The following NRG1 variants were observed in gnomAD, a reference collection of about 807,000 sequenced individuals.
NRG1 encodes the protein neuregulin 1.
NRG1 carries 18 observed loss-of-function variants against 63.8 expected under a neutral mutation model. The observed-to-expected ratio is 0.28, with a 90% CI of 0.19 to 0.42. The LOEUF is 0.42. Ranked by LOEUF, NRG1 falls within the 10% of genes least tolerant of loss-of-function variation. The pLI, the probability that NRG1 is intolerant of heterozygous loss-of-function variation, is 1.00. For missense variants in NRG1, 762 were observed against 814.7 expected, an observed-to-expected ratio of 0.94 and a Z score of 0.79; for synonymous variants, 302 against 301.3, an observed-to-expected ratio of 1.00 and a Z score of -0.02.
intron 1 of NRG1, among the ~76,000 whole-genome samples, chr8:32,043,687 T>C (rs1820457250): frequency 6.6e-6 from 1 of 151,910 alleles, no homozygotes; most frequent in Admixed American, 6.6e-5. Context: ...GTAGTAGGAT[T>C]CCTGCATTCT....
At chr8:32,767,817 A>C (rs777423679) in exon 12 of NRG1, 7 of 152,214 alleles carry the variant, frequency 4.6e-5, no homozygotes, top group Non-Finnish European at 8.8e-5. Context: ...TATCTGAAGA[A>C]TGCACATTGA....
chr8:32,313,769 A>G (rs1420563458), intron 1 of NRG1, among the ~76,000 whole-genome samples: 2 of 152,212 alleles, frequency 1.3e-5, no homozygotes, highest in Non-Finnish European at 2.9e-5. Flanking sequence ...CCCAAATCCC[A>G]GAGAAAGTTG....
intron 1 of NRG1, among the ~76,000 whole-genome samples, chr8:32,519,427 T>C (rs564022162): frequency 1.3e-5 from 2 of 152,122 alleles, no homozygotes; most frequent in East Asian, 3.9e-4. Context: ...TAACTGATTT[T>C]TTTTTTTGAG....
chr8:31,756,082 G>A (rs147738585), intron 1 of NRG1, among the ~76,000 whole-genome samples: 10 of 152,160 alleles, frequency 6.6e-5, no homozygotes, highest in African/African-American at 2.4e-4. Context: ...AACACAATCT[G>A]CAAGATCCTT....
chr8:32,321,567 A>G (rs1801398022), intron 1 of NRG1, among the ~76,000 whole-genome samples: 1 of 146,766 alleles, frequency 6.8e-6, no homozygotes, highest in African/African-American at 2.5e-5. Context: ...AATGATTTCC[A>G]TGGGCTGGAA....
chr8:32,613,499 T>A (rs1259965068), intron 3 of NRG1, among the ~76,000 whole-genome samples: 4 of 152,052 alleles, frequency 2.6e-5, no homozygotes, highest in Admixed American at 1.3e-4. Context: ...GATGATTATA[T>A]TAGTAATAAA....
Position 32,389,370 on chromosome 8 carries a change from T to A in NRG1, c.38-206458T>A, listed in dbSNP as rs543894634. Among the ~76,000 whole-genome samples the A allele has an allele frequency of 5.9e-5, 9 of 152,352 alleles. No homozygotes were observed. In the South Asian group the frequency reaches 1.9e-3, roughly 32 times the overall value. ...TATTTGCAGAACTGGGTTCAACCTG[T>A]GGGAGACCTAGTCGCAGGTCTTGTA... On this transcript the variant is annotated intron_variant, in intron 1 of 10. Transcript: ENST00000519301.
At chr8:31,663,966 GTTC>G in intron 1 of NRG1, among the ~76,000 whole-genome samples, 1 of 152,108 alleles carries the variant, frequency 6.6e-6, no homozygotes, top group South Asian at 2.1e-4. Flanking sequence ...GAAAGGGTGG[GTTC>G]TTCTTTTCTT....
chr8:32,673,000 T>G (rs941792759), intron 5 of NRG1, among the ~76,000 whole-genome samples: 1 of 152,246 alleles, frequency 6.6e-6, no homozygotes, highest in Admixed American at 6.5e-5. Context: ...TTATTCTCAC[T>G]GAAAAGTTAA....
chr8:32,103,376 A>C (rs944749207), intron 1 of NRG1, among the ~76,000 whole-genome samples: 2 of 152,206 alleles, frequency 1.3e-5, no homozygotes, highest in African/African-American at 4.8e-5. Flanking sequence ...CATTGTTTTC[A>C]TGAATAAATA....
intron 1 of NRG1, among the ~76,000 whole-genome samples, chr8:31,910,551 G>T (rs1177698986): frequency 6.6e-6 from 1 of 152,140 alleles, no homozygotes; most frequent in Non-Finnish European, 1.5e-5. Context: ...AGCAAATAAA[G>T]AATTCCACTG....
intron 1 of NRG1, among the ~76,000 whole-genome samples, chr8:32,278,636 A>C (rs1301218516): frequency 2.6e-5 from 4 of 152,230 alleles, no homozygotes; most frequent in African/African-American, 9.6e-5. Flanking sequence ...GGTCAGGAAG[A>C]GTCCTATGTA....
intron 1 of NRG1, among the ~76,000 whole-genome samples, chr8:32,362,774 G>A (rs1807394670): frequency 6.6e-6 from 1 of 152,168 alleles, no homozygotes; most frequent in Admixed American, 6.5e-5. Flanking sequence ...AGCAGAAGTT[G>A]TACAGATGCC....
chr8:32,708,947 G>A (rs186182160), intron 5 of NRG1, among the ~76,000 whole-genome samples: 375 of 152,286 alleles, frequency 2.5e-3, no homozygotes, highest in Non-Finnish European at 2.4e-3. Context: ...GGCCCAGGGT[G>A]ACACTTGACA....
At chr8:31,677,097 G>T (rs184939723) in intron 1 of NRG1, among the ~76,000 whole-genome samples, 28 of 152,258 alleles carry the variant, frequency 1.8e-4, no homozygotes, top group African/African-American at 6.7e-4. Flanking sequence ...ATGAAAATGA[G>T]ACTAGTTTTC....
chr8:32,298,002 T>C (rs948809628), intron 1 of NRG1, among the ~76,000 whole-genome samples: 6 of 152,242 alleles, frequency 3.9e-5, no homozygotes, highest in African/African-American at 1.4e-4. Flanking sequence ...GAACCCTTAG[T>C]TTATCTGTGA....
At chr8:32,209,399 A>G (rs1433701636) in intron 1 of NRG1, among the ~76,000 whole-genome samples, 1 of 152,132 alleles carries the variant, frequency 6.6e-6, no homozygotes. Context: ...TAACTTTTAT[A>G]TCATAAATCC....
intron 1 of NRG1, chr8:31,639,837 C>A (rs1356600950): frequency 1.7e-6 from 2 of 1,156,456 alleles, no homozygotes; most frequent in South Asian, 3.5e-5. Context: ...AACTCTCCTA[C>A]CCCTGCACCC....
intron 1 of NRG1, among the ~76,000 whole-genome samples, chr8:32,533,843 G>A (rs971656991): frequency 1.3e-5 from 2 of 152,070 alleles, no homozygotes; most frequent in South Asian, 4.1e-4. Flanking sequence ...AATGCAGATA[G>A]CGCTTTGATC....
Sources: allele counts gnomAD v4.1 joint callset (sites outside exome capture counted in the v4.1 genomes callset), GRCh38; gene constraint gnomAD v4.1.1; transcripts MANE v1.5; gene names NCBI Gene and HGNC (gene_info 2026-07-23, HGNC 2026-07-21).